The following KIAA0930 variants were observed in gnomAD, a reference collection of about 807,000 sequenced individuals.
The protein encoded by KIAA0930 is uncharacterized protein KIAA0930.
KIAA0930 carries 24 observed loss-of-function variants against 43.9 expected under a neutral mutation model. That is an observed-to-expected ratio of 0.55 (90% CI 0.40 to 0.77). KIAA0930 has a LOEUF of 0.77. KIAA0930 is among the 30% of genes least tolerant of loss of function. The pLI is 0.00. For missense variants in KIAA0930, 461 were observed against 574.2 expected, an observed-to-expected ratio of 0.80 and a Z score of 2.02; for synonymous variants, 259 against 216.4, an observed-to-expected ratio of 1.20 and a Z score of -1.73.
intron 6 of KIAA0930, 33 bp downstream of exon 6, chr22:45,203,812 A>T: frequency 6.2e-7 from 1 of 1,609,380 alleles, no homozygotes; most frequent in Non-Finnish European, 8.5e-7. Flanking sequence ...CCCCGGGCCC[A>T]GAAGAACACC....
rs1454961608 is a variant in KIAA0930, at chr22:45,196,831, GCCGCTCTGGCC to G, written c.*334_*344del. 2.8e-5 allele frequency: 8 copies of G among 281,280 alleles called. No individual in the cohort carries two copies. Among genetic ancestry groups the G allele is most frequent in the Non-Finnish European group, 4.7e-5 (7 of 150,368 alleles). 17.4% of individuals were successfully genotyped at this position (281,280 alleles called of 1,614,324 possible). ...GCTGGGGGGACGTGAACATAGACCCGCCGCTCTGGCCCCGCTCTGGGCATCAGCTGCTCCTT... is the reference window on the plus strand; with the variant it reads ...GCTGGGGGGACGTGAACATAGACCCGCCGCTCTGGGCATCAGCTGCTCCTT... On this transcript the variant is annotated 3_prime_UTR_variant, in exon 10 of 10. Transcript: ENST00000336156. This position sits in a 1 kb window ranked among gnomAD's most constrained non-coding sequence, Gnocchi z 4.1.
At chr22:45,211,422 C>T (rs568227034) in intron 2 of KIAA0930, 29 of 399,188 alleles carry the variant, frequency 7.3e-5, no homozygotes, top group Non-Finnish European at 1.2e-4. Flanking sequence ...CCGAGCCCTC[C>T]GTTTCCTCAT....
At chr22:45,205,358 C>T in intron 4 of KIAA0930, 40 bp from the exon 5 acceptor site, 6 of 1,559,400 alleles carry the variant, frequency 3.8e-6, no homozygotes, top group Non-Finnish European at 5.3e-6. Flanking sequence ...GAGGCCCCAC[C>T]CGGCACACAG....
intron 1 of KIAA0930, among the ~76,000 whole-genome samples, chr22:45,220,718 C>T (rs2083762422): frequency 6.6e-6 from 1 of 151,890 alleles, no homozygotes; most frequent in African/African-American, 2.4e-5. Flanking sequence ...GTAGCTGGGA[C>T]TACAGGCATG....
Position 45,194,052 on chromosome 22 carries a change from C to CTTTTTTTTTTTTTTTTTTTTTTTT in KIAA0930, c.*3100_*3123dup. The CTTTTTTTTTTTTTTTTTTTTTTTT allele has an allele frequency of 2.3e-5, 1 of 44,346 alleles. No homozygotes were observed. Among genetic ancestry groups the CTTTTTTTTTTTTTTTTTTTTTTTT allele is most frequent in the East Asian group, 7.5e-4 (1 of 1,332 alleles). 2.7% of individuals were successfully genotyped at this position (44,346 alleles called of 1,614,324 possible). On this transcript the variant is annotated 3_prime_UTR_variant, in exon 10 of 10. Transcript: ENST00000336156. ...GGTTTGGGTTTAAAGACCAATGTAT[C>CTTTTTTTTTTTTTTTTTTTTTTTT]TTTTTTTTTTTTTTTTTTTTTTTTT...
rs1236092486 is a variant in KIAA0930, at chr22:45,194,097, A to G, written c.*3079T>C. The G allele has an allele frequency of 1.2e-5, 1 of 80,176 alleles. No homozygotes were observed. The highest frequency in any genetic ancestry group is 4.9e-5 in the African/African-American group (1 of 20,214). 5.0% of individuals were successfully genotyped at this position (80,176 alleles called of 1,614,324 possible). A position where few individuals can be genotyped will look rare whatever the true frequency, so the allele number is the denominator to read the frequency against. On this transcript the variant is annotated 3_prime_UTR_variant, in exon 10 of 10. Transcript: ENST00000336156. ...TTTTTTTTTTTTTTTTTTTTGAGAC[A>G]GAGTTTCGCTCTCGTTGCCCAGGCT...
chr22:45,210,556 G>C (rs5766546), intron 2 of KIAA0930, among the ~76,000 whole-genome samples: 3 of 152,102 alleles, frequency 2.0e-5, no homozygotes, highest in Non-Finnish European at 4.4e-5. Context: ...ACCCCAGAGA[G>C]GAGATGACCT....
intron 1 of KIAA0930, among the ~76,000 whole-genome samples, chr22:45,230,514 T>C (rs931200492): frequency 2.0e-5 from 3 of 151,860 alleles, no homozygotes; most frequent in Admixed American, 2.0e-4. Context: ...CAGCAATTAG[T>C]TGAGAGAAGA....
intron 8 of KIAA0930, among the ~76,000 whole-genome samples, chr22:45,198,908 C>T (rs977284699): frequency 5.3e-5 from 8 of 152,212 alleles, no homozygotes; most frequent in African/African-American, 1.9e-4. Flanking sequence ...GCCTCGGTCT[C>T]GCTAAGTGCT....
At chr22:45,216,304 T>C (rs1342084668) in intron 1 of KIAA0930, among the ~76,000 whole-genome samples, 1 of 152,184 alleles carries the variant, frequency 6.6e-6, no homozygotes, top group Non-Finnish European at 1.5e-5. Flanking sequence ...ACCTGTCAGA[T>C]GGGTCTCTAA....
At chr22:45,238,527 G>A (rs1358957655) in intron 1 of KIAA0930, among the ~76,000 whole-genome samples, 1 of 152,202 alleles carries the variant, frequency 6.6e-6, no homozygotes, top group African/African-American at 2.4e-5. Flanking sequence ...GTGCCTGGGA[G>A]CTGGAAAGAG....
At position 45,213,488 on chromosome 22, in the gene KIAA0930, G is replaced by A. The variant is rs868684198; in HGVS notation, c.65-1381C>T. The A allele has an allele frequency of 9.9e-5, 118 of 1,197,446 alleles. 4 individuals are homozygous for A. The South Asian group carries it at 1.6e-3, about 16-fold the overall frequency. 74.2% of individuals were successfully genotyped at this position (1,197,446 alleles called of 1,614,324 possible). On this transcript the variant is annotated intron_variant, in intron 1 of 9. Transcript: ENST00000336156. ...AAGACCTCCCAGGCTCACAGGACCC[G>A]GGGGAACGAAACACGCGTGCTGTCT...
At position 45,205,927 on chromosome 22, in the gene KIAA0930, G is replaced by A. The variant is rs200172868; in HGVS notation, c.217-15C>T. 5.8e-4 allele frequency: 932 copies of A among 1,611,518 alleles called. No individual in the cohort carries two copies. The highest frequency in any genetic ancestry group is 7.4e-4 in the Non-Finnish European group (879 of 1,179,868). On this transcript the variant is annotated splice_polypyrimidine_tract_variant and intron_variant, in intron 2 of 9. Coordinates refer to ENST00000336156, the MANE Select transcript of KIAA0930 (RefSeq NM_001009880.2). ...GGCTCAGCTGCCTGCGAGGCCCAGA[G>A]CAGAAGTGAGTGCCCAGGGCCCACT...
intron 1 of KIAA0930, among the ~76,000 whole-genome samples, chr22:45,227,294 G>A (rs539521621): frequency 6.9e-4 from 105 of 152,206 alleles, no homozygotes; most frequent in Admixed American, 2.0e-3. Context: ...CGCAGGCAAC[G>A]TCCTTGGAAA....
At chr22:45,213,951 C>T (rs1333985931) in intron 1 of KIAA0930, among the ~76,000 whole-genome samples, 1 of 151,904 alleles carries the variant, frequency 6.6e-6, no homozygotes, top group African/African-American at 2.4e-5. Flanking sequence ...CAAGAGGTTG[C>T]AGTGAGCCGA....
At chr22:45,232,152 C>G (rs943533021) in intron 1 of KIAA0930, among the ~76,000 whole-genome samples, 2 of 152,222 alleles carry the variant, frequency 1.3e-5, no homozygotes, top group African/African-American at 4.8e-5. Flanking sequence ...TGGTCCCCCT[C>G]TGTAAATGGG....
Position 45,203,947 on chromosome 22 carries a change from G to C in KIAA0930, c.555C>G (p.Val185=). The change falls in exon 6 of 10, where the codon GTC becomes GTG. Residue 185 remains valine, a synonymous_variant. Coordinates refer to ENST00000336156, the MANE Select transcript of KIAA0930 (RefSeq NM_001009880.2). ...SDMTVGEGEM[V]CVELVASDKT... ...TGTCACTAGCCACCAGCTCCACACA[G>C]ACCATCTCTCCTTCCCCTACGGTCA... 6.2e-7 allele frequency: 1 copy of C among 1,614,068 alleles called. No individual in the cohort carries two copies. Among genetic ancestry groups the C allele is most frequent in the Non-Finnish European group, 8.5e-7 (1 of 1,179,962 alleles).
intron 7 of KIAA0930, 112 bp from the exon 8 acceptor site, chr22:45,200,147 G>C (rs1012213185): frequency 1.8e-6 from 2 of 1,134,054 alleles, no homozygotes; most frequent in African/African-American, 3.3e-5. Flanking sequence ...CCAGGGAAGA[G>C]GCCGCTGGCC....
intron 1 of KIAA0930, among the ~76,000 whole-genome samples, chr22:45,233,947 C>T (rs545940207): frequency 3.3e-5 from 5 of 152,306 alleles, no homozygotes; most frequent in Admixed American, 2.0e-4. Context: ...GACAGAAGAG[C>T]GGGGCTGGGG....
Sources: allele counts gnomAD v4.1 joint callset (sites outside exome capture counted in the v4.1 genomes callset), GRCh38; gene constraint gnomAD v4.1.1; non-coding constraint Gnocchi (gnomAD v3.1); transcripts MANE v1.5; gene names NCBI Gene and HGNC (gene_info 2026-07-23, HGNC 2026-07-21).